The following ST18 variants were observed in gnomAD, a reference collection of about 807,000 sequenced individuals.
ST18 encodes suppression of tumorigenicity 18 protein.
A neutral mutation model predicts 110.0 loss-of-function variants in ST18; 50 were observed. That is an observed-to-expected ratio of 0.45 (90% CI 0.36 to 0.58). The LOEUF (loss-of-function observed/expected upper bound fraction) is 0.58. Ranked by LOEUF, ST18 falls within the 20% of genes least tolerant of loss-of-function variation. The probability of loss-of-function intolerance (pLI) is 0.00; values close to 1 mark genes in which losing one functional copy is unlikely to be tolerated. For synonymous variants in ST18, 461 were observed against 452.4 expected (o/e 1.02, Z -0.24); for missense variants, 1,306 against 1,280.1 (o/e 1.02, Z -0.31).
chr8:52,224,331 A>T (rs1042478952), intron 3 of ST18, among the ~76,000 whole-genome samples: 2 of 152,240 alleles, frequency 1.3e-5, no homozygotes, highest in African/African-American at 4.8e-5. Flanking sequence ...AAGAGATTAT[A>T]TATTTAGAAG....
intron 2 of ST18, chr8:52,407,948 T>A (rs1283378317): frequency 6.6e-6 from 1 of 152,218 alleles, no homozygotes; most frequent in African/African-American, 2.4e-5. Context: ...TGAATTTTAA[T>A]TCAAATAGTT....
intron 23 of ST18, among the ~76,000 whole-genome samples, chr8:52,121,230 A>G (rs2044667105): frequency 6.6e-6 from 1 of 152,224 alleles, no homozygotes; most frequent in South Asian, 2.1e-4. Flanking sequence ...GCCTAATAAC[A>G]AAAGATGGCT....
intron 12 of ST18, 50 bp downstream of exon 12, chr8:52,165,085 T>G: frequency 6.3e-7 from 1 of 1,580,094 alleles, no homozygotes; most frequent in South Asian, 1.1e-5. Context: ...GGTGGAACGT[T>G]TCTACCACAT....
intron 22 of ST18, among the ~76,000 whole-genome samples, chr8:52,126,678 TTAA>T (rs1048449576): frequency 2.0e-5 from 3 of 152,260 alleles, no homozygotes; most frequent in African/African-American, 7.2e-5. Flanking sequence ...GGGAATGTTT[TTAA>T]TTTTTTTCTT....
At chr8:52,228,963 T>C (rs2090443682) in intron 3 of ST18, among the ~76,000 whole-genome samples, 1 of 152,132 alleles carries the variant, frequency 6.6e-6, no homozygotes, top group Non-Finnish European at 1.5e-5. Context: ...AGGTATTGCA[T>C]TTACAAATAT....
intron 2 of ST18, among the ~76,000 whole-genome samples, chr8:52,360,781 G>A (rs1825382126): frequency 6.6e-6 from 1 of 152,146 alleles, no homozygotes; most frequent in African/African-American, 2.4e-5. Flanking sequence ...TTGTTGGGGA[G>A]TTATTTAATG....
At chr8:52,360,703 A>C (rs1245957135) in intron 2 of ST18, among the ~76,000 whole-genome samples, 1 of 152,140 alleles carries the variant, frequency 6.6e-6, no homozygotes, top group Non-Finnish European at 1.5e-5. Context: ...TTTTATACCC[A>C]TGTGTTAGAA....
At chr8:52,166,750 AG>A (rs759510788) in intron 11 of ST18, 101 bp downstream of exon 11, 25 of 1,365,860 alleles carry the variant, frequency 1.8e-5, no homozygotes, top group Non-Finnish European at 2.4e-5. Flanking sequence ...AGTTTAAAAA[AG>A]TTTGTTTCCA....
chr8:52,388,795 TC>T, intron 2 of ST18, among the ~76,000 whole-genome samples: 1 of 114,936 alleles, frequency 8.7e-6, no homozygotes, highest in East Asian at 2.6e-4. Flanking sequence ...AAGGGGAACA[TC>T]ACACTCCGGG....
At chr8:52,242,129 A>G (rs1343263912) in intron 2 of ST18, among the ~76,000 whole-genome samples, 2 of 152,240 alleles carry the variant, frequency 1.3e-5, no homozygotes, top group African/African-American at 2.4e-5. Flanking sequence ...ATGCTTGCAG[A>G]TTAATCTATA....
chr8:52,382,876 C>T (rs576796875), intron 2 of ST18, among the ~76,000 whole-genome samples: 4 of 151,812 alleles, frequency 2.6e-5, no homozygotes, highest in Non-Finnish European at 4.4e-5. Flanking sequence ...TCGGGGGACA[C>T]GCCCTAGGGA....
rs555984112 is a variant in ST18, at chr8:52,332,956, C to T, written c.-465+76372G>A. ...CAACCCTGGAGGACCTAATTATTAT[C>T]TCCATTTTGCAGCTGAGCATACTGG... On this transcript the variant is annotated intron_variant, in intron 2 of 25. Transcript: ENST00000689386. Among the ~76,000 whole-genome samples the T allele has an allele frequency of 1.6e-3, 244 of 152,208 alleles. 2 individuals are homozygous for T. Among genetic ancestry groups the T allele is most frequent in the African/African-American group, 5.6e-3 (233 of 41,536 alleles).
intron 2 of ST18, among the ~76,000 whole-genome samples, chr8:52,362,736 C>T (rs931838696): frequency 6.6e-6 from 1 of 152,132 alleles, no homozygotes; most frequent in Non-Finnish European, 1.5e-5. Flanking sequence ...GTTATTCAAA[C>T]TTAAGTATTT....
At chr8:52,321,139 A>G (rs1463072703) in intron 2 of ST18, among the ~76,000 whole-genome samples, 4 of 152,208 alleles carry the variant, frequency 2.6e-5, no homozygotes, top group South Asian at 2.1e-4. Flanking sequence ...GTTTATGCCT[A>G]TATGCATGTG....
At chr8:52,243,509 A>C (rs982974324) in intron 2 of ST18, among the ~76,000 whole-genome samples, 26 of 152,246 alleles carry the variant, frequency 1.7e-4, no homozygotes, top group Admixed American at 1.0e-3. Context: ...GATTAAGGGA[A>C]AGGGTTTGGG....
chr8:52,356,906 T>A (rs148002628), intron 2 of ST18, among the ~76,000 whole-genome samples: 478 of 152,242 alleles, frequency 3.1e-3, no homozygotes, highest in African/African-American at 0.011. Flanking sequence ...ATTCATGGAT[T>A]TCAATATAAG....
rs34223816 is a variant in ST18, at chr8:52,113,046, TA to T, written c.*151del. The T allele has an allele frequency of 0.014, 11,147 of 795,498 alleles. 509 individuals are homozygous for T. The highest frequency in any genetic ancestry group is 0.11 in the African/African-American group (6,437 of 56,640). The allele number at this position is 795,498 out of a possible 1,614,324, so 49.3% of individuals were successfully genotyped here. On this transcript the variant is annotated 3_prime_UTR_variant, in exon 26 of 26. Coordinates refer to ENST00000689386, the MANE Select transcript of ST18 (RefSeq NM_001352837.2). ...TCTATCATAGTTTTTCTTTCCTTTT[TA>T]TATCAGCTGGGGAAAATAAAATTAG... is the stretch of plus-strand genomic sequence containing the variant.
chr8:52,237,902 G>A (rs889687206), intron 2 of ST18, among the ~76,000 whole-genome samples: 9 of 152,094 alleles, frequency 5.9e-5, no homozygotes, highest in Admixed American at 4.6e-4. Flanking sequence ...AGTGGGCAAA[G>A]GACTTGAATA....
At chr8:52,270,948 AG>A (rs1361414519) in intron 2 of ST18, among the ~76,000 whole-genome samples, 1 of 151,304 alleles carries the variant, frequency 6.6e-6, no homozygotes, top group East Asian at 1.9e-4. Flanking sequence ...TCTGTCACCC[AG>A]GCTGGAGGGC....
Sources: allele counts gnomAD v4.1 joint callset (sites outside exome capture counted in the v4.1 genomes callset), GRCh38; gene constraint gnomAD v4.1.1; transcripts MANE v1.5; gene names NCBI Gene and HGNC (gene_info 2026-07-23, HGNC 2026-07-21).